STK32C: variants seen among roughly 807,000 people sequenced by gnomAD.
The protein encoded by STK32C is serine/threonine-protein kinase 32C.
Under a neutral mutation model 56.5 loss-of-function variants are expected in STK32C, and 31 were observed. The observed-to-expected ratio is 0.55, with a 90% CI of 0.41 to 0.74. The LOEUF is 0.74. Among genes scored for constraint, STK32C ranks in the 30% least tolerant of loss-of-function variants. The pLI, the probability that STK32C is intolerant of heterozygous loss-of-function variation, is 0.00. For synonymous variants in STK32C, 309 were observed against 289.4 expected (o/e 1.07, Z -0.69); for missense variants, 544 against 676.9 (o/e 0.80, Z 2.18).
intron 10 of STK32C, among the ~76,000 whole-genome samples, chr10:132,212,252 G>A (rs760449102): frequency 6.6e-6 from 1 of 152,178 alleles, no homozygotes; most frequent in Admixed American, 6.5e-5. Flanking sequence ...CAGGGCAGAC[G>A]TCTGGACCAA....
intron 1 of STK32C, among the ~76,000 whole-genome samples, chr10:132,271,623 C>G (rs1191783260): frequency 1.3e-5 from 2 of 152,216 alleles, no homozygotes; most frequent in Non-Finnish European, 2.9e-5. Context: ...GCTGGGAGAG[C>G]TGGTAAGACC....
chr10:132,319,892 ATT>A (rs1332064904), downstream of STK32C, among the ~76,000 whole-genome samples: 3 of 145,262 alleles, frequency 2.1e-5, no homozygotes, highest in East Asian at 2.0e-4. Context: ...CCTTAGATGG[ATT>A]TTTTTTTTTT....
chr10:132,292,878 C>T (rs552609776), intron 1 of STK32C, among the ~76,000 whole-genome samples: 3 of 152,274 alleles, frequency 2.0e-5, no homozygotes, highest in African/African-American at 7.2e-5. Flanking sequence ...CGACGACCCG[C>T]TGCCGGTCCC....
intron 1 of STK32C, among the ~76,000 whole-genome samples, chr10:132,295,468 G>A (rs181718102): frequency 6.6e-5 from 10 of 152,356 alleles, no homozygotes; most frequent in South Asian, 2.1e-4. Context: ...AGACTGGGAC[G>A]GGGTGACCAA....
chr10:132,279,462 A>G (rs1005556648), intron 1 of STK32C, among the ~76,000 whole-genome samples: 1 of 152,112 alleles, frequency 6.6e-6, no homozygotes, highest in African/African-American at 2.4e-5. Flanking sequence ...GCATGTGTGT[A>G]AAGACATACA....
intron 1 of STK32C, among the ~76,000 whole-genome samples, chr10:132,290,128 C>T (rs1186030409): frequency 6.6e-6 from 1 of 152,202 alleles, no homozygotes; most frequent in Non-Finnish European, 1.5e-5. Flanking sequence ...CAGCAGATGC[C>T]TCCACCATAG....
rs931578000 is a variant in STK32C, at chr10:132,307,758, G to T, written c.76C>A (p.Pro26Thr). ...PGSPPPGRAR[P>T]AGSDAPSALP... is the part of the protein sequence containing the mutation. Reference sequence around the variant, plus strand: ...GCCGAGGGCGCGTCGGAGCCGGCGGGGCGCGCGCGGCCGGGGGGCGGCGAG... The same window carrying T: ...GCCGAGGGCGCGTCGGAGCCGGCGGTGCGCGCGCGGCCGGGGGGCGGCGAG... Residue 26 changes from proline (P) to threonine (T), a missense_variant, in exon 1 of 12, where the codon CCC (proline) becomes ACC (threonine). This residue lies in a region of STK32C where 182 missense variants were observed against 217.7 expected (regional missense o/e 0.84). Transcript: ENST00000298630. The surrounding 1 kb of genome is among the most constrained non-coding windows in gnomAD (Gnocchi z 4.4). 6 of 1,009,838 alleles carry T rather than the reference G, an allele frequency of 5.9e-6. No homozygotes were observed. Among genetic ancestry groups the T allele is most frequent in the African/African-American group, 1.7e-5 (1 of 57,168 alleles). 62.6% of individuals were successfully genotyped at this position (1,009,838 alleles called of 1,614,324 possible). A position where few individuals can be genotyped will look rare whatever the true frequency, so the allele number is the denominator to read the frequency against.
At chr10:132,323,946 T>C (rs893909762), downstream of STK32C, 3 of 316,944 alleles carry the variant, frequency 9.5e-6, no homozygotes, top group African/African-American at 6.2e-5. The surrounding 1 kb of genome is among the most constrained non-coding windows in gnomAD (Gnocchi z 4.8). Flanking sequence ...ACCCAACCTG[T>C]GGCAGTTAAT....
At chr10:132,225,178 G>C (rs1336790053) in intron 7 of STK32C, 55 bp downstream of exon 7, 3 of 1,440,106 alleles carry the variant, frequency 2.1e-6, no homozygotes, top group Admixed American at 2.1e-5. Context: ...AGCACTGGTG[G>C]GGGCAGAGAG....
At chr10:132,291,425 ACCT>A (rs1465281399) in intron 1 of STK32C, among the ~76,000 whole-genome samples, 1 of 151,932 alleles carries the variant, frequency 6.6e-6, no homozygotes, top group African/African-American at 2.4e-5. Context: ...CCCTGTGGAC[ACCT>A]CCTCGTGGCC....
intron 1 of STK32C, among the ~76,000 whole-genome samples, chr10:132,260,715 G>A (rs1386810129): frequency 2.0e-5 from 3 of 152,260 alleles, no homozygotes; most frequent in African/African-American, 7.2e-5. Flanking sequence ...AGTGCTCATG[G>A]ATGCCACCAG....
At chr10:132,260,630 G>A (rs1249918419) in intron 1 of STK32C, among the ~76,000 whole-genome samples, 1 of 152,216 alleles carries the variant, frequency 6.6e-6, no homozygotes, top group East Asian at 1.9e-4. Flanking sequence ...CTGCAAGCAG[G>A]GGCCAGCAGA....
At chr10:132,210,036 A>C (rs1481009598) in intron 10 of STK32C, among the ~76,000 whole-genome samples, 4 of 152,162 alleles carry the variant, frequency 2.6e-5, no homozygotes, top group Non-Finnish European at 4.4e-5. Flanking sequence ...GCTCAACCCT[A>C]TCTAGACATA....
intron 1 of STK32C, among the ~76,000 whole-genome samples, chr10:132,289,913 G>A (rs1297105994): frequency 2.0e-5 from 3 of 152,192 alleles, no homozygotes; most frequent in East Asian, 3.8e-4. Flanking sequence ...TGAAAGAGTC[G>A]TGAATATCAT....
chr10:132,247,497 C>G (rs948050379), intron 1 of STK32C, among the ~76,000 whole-genome samples: 3 of 152,194 alleles, frequency 2.0e-5, no homozygotes, highest in Admixed American at 6.5e-5. Flanking sequence ...CAGAGCTGGC[C>G]TGAAGGCGCA....
chr10:132,316,593 T>G (rs2066315211), intron 1 of STK32C, among the ~76,000 whole-genome samples: 1 of 152,190 alleles, frequency 6.6e-6, no homozygotes, highest in Non-Finnish European at 1.5e-5. Context: ...CACTCCAGCT[T>G]GGGCAACAGA....
intron 1 of STK32C, among the ~76,000 whole-genome samples, chr10:132,281,559 C>A (rs2065206258): frequency 6.6e-6 from 1 of 152,152 alleles, no homozygotes; most frequent in Admixed American, 6.5e-5. Context: ...AAAAAACATT[C>A]TCACATAGCC....
intron 1 of STK32C, among the ~76,000 whole-genome samples, chr10:132,271,735 C>A (rs761903912): frequency 1.3e-5 from 2 of 152,214 alleles, no homozygotes; most frequent in Non-Finnish European, 2.9e-5. Flanking sequence ...CCGTTCCTGA[C>A]CCCAGACTCG....
intron 10 of STK32C, among the ~76,000 whole-genome samples, chr10:132,222,027 G>C (rs2062687281): frequency 6.7e-6 from 1 of 149,098 alleles, no homozygotes; most frequent in Admixed American, 6.7e-5. Context: ...CTGGGTGAGT[G>C]TGAGGGCTTC....
Sources: gnomAD v4.1 joint callset for allele counts (sites outside exome capture counted in the v4.1 genomes callset) on GRCh38, gnomAD v4.1.1 for gene constraint, gnomAD v4.1.1 regional missense constraint, Gnocchi (gnomAD v3.1) non-coding constraint, MANE v1.5 for transcripts, NCBI Gene and HGNC (gene_info 2026-07-23, HGNC 2026-07-21) for gene names.